SGCZ: variants seen among roughly 807,000 people sequenced by gnomAD.
SGCZ encodes zeta-sarcoglycan.
Under a neutral mutation model 41.3 loss-of-function variants are expected in SGCZ, and 40 were observed. The ratio of observed to expected loss-of-function variants is 0.97; its 90% CI spans 0.75 to 1.26. The LOEUF (loss-of-function observed/expected upper bound fraction) is 1.26, where lower values mean the gene tolerates loss of function less well. SGCZ is among the 50% of genes most tolerant of loss of function. The pLI, the probability that SGCZ is intolerant of heterozygous loss-of-function variation, is 0.00. For synonymous variants in SGCZ, 206 were observed against 137.5 expected (o/e 1.50, Z -3.49); for missense variants, 552 against 369.8 (o/e 1.49, Z -4.04).
At chr8:14,095,933 T>C (rs1801831271) in intron 7 of SGCZ, among the ~76,000 whole-genome samples, 1 of 152,178 alleles carries the variant, frequency 6.6e-6, no homozygotes, top group Non-Finnish European at 1.5e-5. Context: ...ATTATGCTTG[T>C]GATTTTTGCA....
chr8:15,047,434 T>G (rs1267040239), intron 1 of SGCZ, among the ~76,000 whole-genome samples: 1 of 152,064 alleles, frequency 6.6e-6, no homozygotes, highest in Non-Finnish European at 1.5e-5. Flanking sequence ...ATAAATGCAG[T>G]CATACAGTAT....
At chr8:14,683,815 T>C (rs1808521832) in intron 1 of SGCZ, among the ~76,000 whole-genome samples, 1 of 152,126 alleles carries the variant, frequency 6.6e-6, no homozygotes, top group African/African-American at 2.4e-5. Flanking sequence ...AATTAAGTGA[T>C]TTTCTCATTT....
chr8:15,116,975 G>A (rs984283650), intron 1 of SGCZ, among the ~76,000 whole-genome samples: 1 of 152,246 alleles, frequency 6.6e-6, no homozygotes, highest in African/African-American at 2.4e-5. Context: ...GAATTTTTAT[G>A]CCATCAATCT....
intron 1 of SGCZ, among the ~76,000 whole-genome samples, chr8:14,609,578 A>T (rs1424024523): frequency 6.6e-6 from 1 of 152,218 alleles, no homozygotes; most frequent in African/African-American, 2.4e-5. Flanking sequence ...GTTCAGACAC[A>T]TGATAAAAAT....
intron 1 of SGCZ, among the ~76,000 whole-genome samples, chr8:14,713,547 T>A (rs973604148): frequency 1.3e-5 from 2 of 152,176 alleles, no homozygotes; most frequent in Admixed American, 1.3e-4. Context: ...AAATGAGGGT[T>A]GAACTAATCT....
intron 1 of SGCZ, among the ~76,000 whole-genome samples, chr8:14,599,278 G>A (rs1805511174): frequency 6.6e-6 from 1 of 152,082 alleles, no homozygotes; most frequent in African/African-American, 2.4e-5. Flanking sequence ...TTGATGCAAT[G>A]TCTATCATTA....
chr8:14,960,018 C>G (rs923460450), intron 1 of SGCZ, among the ~76,000 whole-genome samples: 4 of 152,176 alleles, frequency 2.6e-5, no homozygotes, highest in African/African-American at 9.6e-5. Flanking sequence ...TCTAGTTTTA[C>G]TTTGCTGCCA....
chr8:14,414,205 C>T (rs1563313806), intron 2 of SGCZ, among the ~76,000 whole-genome samples: 4 of 151,872 alleles, frequency 2.6e-5, no homozygotes, highest in Admixed American at 2.0e-4. Context: ...CACACACACA[C>T]ATACAGACAC....
chr8:15,113,080 G>A (rs1807131323), intron 1 of SGCZ, among the ~76,000 whole-genome samples: 1 of 151,902 alleles, frequency 6.6e-6, no homozygotes, highest in Admixed American at 6.6e-5. Flanking sequence ...GTGGTTGTGA[G>A]CGCCTGTAGT....
At chr8:14,597,134 A>T (rs1250528838) in intron 1 of SGCZ, among the ~76,000 whole-genome samples, 1 of 152,216 alleles carries the variant, frequency 6.6e-6, no homozygotes, top group African/African-American at 2.4e-5. Flanking sequence ...AACTATTGTT[A>T]GAATACGTTA....
intron 3 of SGCZ, among the ~76,000 whole-genome samples, chr8:14,282,974 C>A (rs1033402173): frequency 6.7e-6 from 1 of 149,484 alleles, no homozygotes. Context: ...CTCAGCCTCC[C>A]GAGTAGCTGG....
intron 1 of SGCZ, among the ~76,000 whole-genome samples, chr8:15,020,927 G>A (rs770378262): frequency 6.6e-6 from 1 of 152,148 alleles, no homozygotes; most frequent in Non-Finnish European, 1.5e-5. Context: ...TATTTTAGTG[G>A]ATTAGGAAAT....
intron 1 of SGCZ, among the ~76,000 whole-genome samples, chr8:14,644,109 C>G (rs1807121244): frequency 6.6e-6 from 1 of 151,568 alleles, no homozygotes; most frequent in African/African-American, 2.4e-5. Flanking sequence ...TATTTTCTTA[C>G]CTATTGTGAT....
At chr8:14,820,816 T>C (rs1353334099) in intron 1 of SGCZ, among the ~76,000 whole-genome samples, 3 of 150,188 alleles carry the variant, frequency 2.0e-5, no homozygotes, top group Non-Finnish European at 3.0e-5. Flanking sequence ...ACAAAACCTA[T>C]GGAACATAGC....
intron 1 of SGCZ, among the ~76,000 whole-genome samples, chr8:14,671,165 C>T (rs9325725): frequency 0.54 from 82,761 of 151,968 alleles, 24,061 homozygotes; most frequent in East Asian, 0.74. Flanking sequence ...TTTATAGAAC[C>T]CATTTCTTTT....
intron 2 of SGCZ, among the ~76,000 whole-genome samples, chr8:14,371,640 G>C (rs1462462347): frequency 1.3e-5 from 2 of 151,998 alleles, no homozygotes; most frequent in African/African-American, 4.8e-5. Flanking sequence ...TTCTGACCCT[G>C]GCCCTATTAA....
chr8:14,971,931 C>A (rs990522055), intron 1 of SGCZ, among the ~76,000 whole-genome samples: 1 of 152,036 alleles, frequency 6.6e-6, no homozygotes, highest in East Asian at 1.9e-4. Flanking sequence ...CTTTTGCATG[C>A]TATTTGCAAA....
chr8:14,792,712 A>T (rs1327460075), intron 1 of SGCZ, among the ~76,000 whole-genome samples: 1 of 151,986 alleles, frequency 6.6e-6, no homozygotes, highest in Non-Finnish European at 1.5e-5. Context: ...TGCATCTTTC[A>T]ACAGAATCAA....
intron 1 of SGCZ, among the ~76,000 whole-genome samples, chr8:14,798,567 A>G (rs376827222): frequency 7.4e-4 from 112 of 152,296 alleles, no homozygotes; most frequent in African/African-American, 2.5e-3. Context: ...AGTGCCAAAC[A>G]CTTTGGAAAT....
Sources: gnomAD v4.1 joint callset for allele counts (sites outside exome capture counted in the v4.1 genomes callset) on GRCh38, gnomAD v4.1.1 for gene constraint, MANE v1.5 for transcripts, NCBI Gene and HGNC (gene_info 2026-07-23, HGNC 2026-07-21) for gene names.